Variants in MGRN1 observed in about 807,000 individuals in gnomAD.
The protein encoded by MGRN1 is E3 ubiquitin-protein ligase MGRN1.
Under a neutral mutation model 69.2 loss-of-function variants are expected in MGRN1, and 29 were observed. The ratio of observed to expected loss-of-function variants is 0.42; its 90% CI spans 0.31 to 0.57. MGRN1 has a LOEUF of 0.57. Among genes scored for constraint, MGRN1 ranks in the 20% least tolerant of loss-of-function variants. The probability of loss-of-function intolerance (pLI) is 0.15; values close to 1 mark genes in which losing one functional copy is unlikely to be tolerated. For missense variants in MGRN1, 998 were observed against 796.2 expected, an observed-to-expected ratio of 1.25 and a Z score of -3.05; for synonymous variants, 470 against 344.2, an observed-to-expected ratio of 1.37 and a Z score of -4.04.
intron 1 of MGRN1, among the ~76,000 whole-genome samples, chr16:4,627,326 G>T (rs1210534772): frequency 2.0e-5 from 3 of 152,142 alleles, no homozygotes; most frequent in African/African-American, 7.2e-5. Context: ...TTTTTCTTAA[G>T]GGAACTTTCA....
intron 1 of MGRN1, among the ~76,000 whole-genome samples, chr16:4,643,545 G>C (rs1438493563): frequency 4.1e-5 from 6 of 147,594 alleles, no homozygotes; most frequent in African/African-American, 1.5e-4. Flanking sequence ...CTAATTTTTT[G>C]TATTTTTTAG....
rs181931101 is a variant in MGRN1, at chr16:4,660,455, C to A, written c.561+3092C>A. Among the ~76,000 whole-genome samples the A allele has an allele frequency of 7.5e-4, 114 of 152,332 alleles. 3 individuals are homozygous for A. Among genetic ancestry groups the A allele is most frequent in the Admixed American group, 6.5e-4 (10 of 15,302 alleles). The stretch of plus-strand genomic sequence containing the variant: ...GTTTTTATTCCACACCAGTAAAGCA[C>A]TGTCAGCACCTAGTTTCTGCAGTGT... On this transcript the variant is annotated intron_variant, in intron 5 of 16. Coordinates refer to ENST00000262370, the MANE Select transcript of MGRN1 (RefSeq NM_015246.4).
At chr16:4,659,396 C>T (rs562305352) in intron 5 of MGRN1, among the ~76,000 whole-genome samples, 22 of 152,238 alleles carry the variant, frequency 1.4e-4, no homozygotes, top group Admixed American at 8.5e-4. Flanking sequence ...TCCCCAGCCC[C>T]TCTGGGGAGC....
intron 16 of MGRN1, among the ~76,000 whole-genome samples, chr16:4,684,729 G>A (rs1372263170): frequency 7.2e-5 from 11 of 152,264 alleles, no homozygotes; most frequent in African/African-American, 2.4e-4. Flanking sequence ...AGGGAATGGG[G>A]GCTCTCAGAC....
chr16:4,655,440 G>C (rs984044998), intron 4 of MGRN1, among the ~76,000 whole-genome samples: 1 of 152,038 alleles, frequency 6.6e-6, no homozygotes. Context: ...CACAAGGCCA[G>C]CTTCCCCTCC....
intron 10 of MGRN1, among the ~76,000 whole-genome samples, chr16:4,674,622 T>TTTTC (rs1352941020): frequency 1.7e-5 from 2 of 115,648 alleles, no homozygotes; most frequent in African/African-American, 6.3e-5. Context: ...TTTTCTTTTC[T>TTTTC]TTTCTTTTTT....
chr16:4,659,708 C>T (rs1190872721), intron 5 of MGRN1, among the ~76,000 whole-genome samples: 1 of 152,256 alleles, frequency 6.6e-6, no homozygotes, highest in African/African-American at 2.4e-5. Context: ...GCGGGGCCTT[C>T]AAGGTGCTAT....
chr16:4,643,573 C>T (rs963200223), intron 1 of MGRN1, among the ~76,000 whole-genome samples: 2 of 151,720 alleles, frequency 1.3e-5, no homozygotes, highest in South Asian at 2.1e-4. Context: ...GGGGTTTCAC[C>T]GTGTTAGCCA....
intron 1 of MGRN1, among the ~76,000 whole-genome samples, chr16:4,641,718 C>T (rs1174433970): frequency 1.3e-5 from 2 of 151,954 alleles, no homozygotes; most frequent in Non-Finnish European, 2.9e-5. Flanking sequence ...GGAGTTTCTC[C>T]ATGTTGGTCA....
At chr16:4,646,511 A>C (rs985352895) in intron 1 of MGRN1, among the ~76,000 whole-genome samples, 42 of 151,736 alleles carry the variant, frequency 2.8e-4, no homozygotes, top group Non-Finnish European at 5.7e-4. Context: ...CAGGCCCGGC[A>C]TGCCGGTGCT....
At chr16:4,635,748 C>T (rs1400051846) in intron 1 of MGRN1, among the ~76,000 whole-genome samples, 2 of 151,966 alleles carry the variant, frequency 1.3e-5, no homozygotes, top group Admixed American at 1.3e-4. Flanking sequence ...GACTCTCCCG[C>T]CAAAGCCTCC....
chr16:4,684,237 G>T (rs767092130), intron 16 of MGRN1, among the ~76,000 whole-genome samples: 1 of 152,242 alleles, frequency 6.6e-6, no homozygotes, highest in Non-Finnish European at 1.5e-5. Flanking sequence ...GCCTGTGAGA[G>T]GATGGGGTCC....
At chr16:4,647,723 C>A (rs993140546) in intron 1 of MGRN1, among the ~76,000 whole-genome samples, 2 of 152,192 alleles carry the variant, frequency 1.3e-5, no homozygotes, top group African/African-American at 4.8e-5. Flanking sequence ...GTTCCAGCAG[C>A]TGTGTGGTGG....
intron 1 of MGRN1, among the ~76,000 whole-genome samples, chr16:4,642,845 G>A (rs1006388404): frequency 1.3e-5 from 2 of 150,968 alleles, no homozygotes; most frequent in African/African-American, 2.4e-5. Context: ...ATAATGCAGT[G>A]GCTTGATCAG....
At position 4,655,138 on chromosome 16, in the gene MGRN1, G is replaced by A. The variant is rs184460703; in HGVS notation, c.444-2108G>A. Among the ~76,000 whole-genome samples the A allele has an allele frequency of 2.9e-3, 443 of 152,304 alleles. 4 individuals carry two copies. The highest frequency in any genetic ancestry group is 0.01 in the African/African-American group (434 of 41,564). ...CCTGGTGCCCTCCTCGGGCCTGGCC[G>A]ACATGGTGGAGGAGCTGGGTTGTGG... On this transcript the variant is annotated intron_variant, in intron 4 of 16. Transcript: ENST00000262370.
intron 4 of MGRN1, among the ~76,000 whole-genome samples, chr16:4,654,793 T>C (rs1399970125): frequency 6.6e-6 from 1 of 152,184 alleles, no homozygotes. Context: ...AGACGACTTA[T>C]GTGGGGAGGT....
chr16:4,657,140 C>G, intron 4 of MGRN1, 106 bp from the exon 5 acceptor site: 1 of 1,105,400 alleles, frequency 9.0e-7, no homozygotes, highest in Non-Finnish European at 1.3e-6. Context: ...AGAGGGTCCC[C>G]AAAAGACAGG....
intron 1 of MGRN1, among the ~76,000 whole-genome samples, chr16:4,629,294 C>T (rs1347991017): frequency 6.6e-6 from 1 of 152,058 alleles, no homozygotes; most frequent in Non-Finnish European, 1.5e-5. Flanking sequence ...ATAGGATTCT[C>T]CTGTCAGCCA....
rs764334738 is a variant in MGRN1, at chr16:4,688,905, CTG to C, written c.1729_1730del (p.Ter577ArgfsTer26). On this transcript the variant is annotated frameshift_variant and stop_lost, in exon 17 of 17. Transcript: ENST00000262370. LOFTEE classifies it high-confidence loss of function. ...DPSAAELTPL[*>X] ...CCAGCGCCGCCGAGCTGACCCCACTCTGAGAGCCTGGCCGAGCTGGCAGCATG... is the reference window on the plus strand; with the variant it reads ...CCAGCGCCGCCGAGCTGACCCCACTCAGAGCCTGGCCGAGCTGGCAGCATG... 6.5e-6 allele frequency: 10 copies of C among 1,541,702 alleles called. No homozygotes were observed. Among genetic ancestry groups the C allele is most frequent in the Non-Finnish European group, 7.0e-6 (8 of 1,140,004 alleles).
Sources: allele counts gnomAD v4.1 joint callset (sites outside exome capture counted in the v4.1 genomes callset), GRCh38; gene constraint gnomAD v4.1.1; transcripts MANE v1.5; gene names NCBI Gene and HGNC (gene_info 2026-07-23, HGNC 2026-07-21).